Variants in KIF13A observed in about 807,000 individuals in gnomAD.
KIF13A encodes kinesin family member 13A, also known as kinesin-like protein KIF13A.
In KIF13A, 79 loss-of-function variants were observed where a neutral mutation model predicts 212.2. The observed-to-expected ratio is 0.37, with a 90% CI of 0.31 to 0.45. KIF13A has a LOEUF of 0.45. Among genes scored for constraint, KIF13A ranks in the 20% least tolerant of loss-of-function variants. The pLI is 1.00. For synonymous variants in KIF13A, 789 were observed against 808.6 expected (o/e 0.98, Z 0.41); for missense variants, 1,901 against 2,209.0 (o/e 0.86, Z 2.79).
rs77448977 is a variant in KIF13A at position 17,897,710 on chromosome 6, T to C, written c.159+458A>G. Among the ~76,000 whole-genome samples, 521 of 152,310 alleles carry C rather than the reference T, an allele frequency of 3.4e-3. 22 individuals are homozygous for C. The East Asian group carries it at 0.084, about 24-fold the overall frequency. On this transcript the variant is annotated intron_variant, in intron 3 of 38. Coordinates refer to ENST00000259711, the MANE Select transcript of KIF13A (RefSeq NM_022113.6). The surrounding 1 kb of genome is among the most constrained non-coding windows in gnomAD (Gnocchi z 4.8). ...TTTCCAATGATAACAACTAATCTTA[T>C]TGGGGCACAGGAAAAGATCGTTTGT...
At chr6:17,847,175 C>T (rs1207182183) in intron 9 of KIF13A, among the ~76,000 whole-genome samples, 1 of 152,158 alleles carries the variant, frequency 6.6e-6, no homozygotes, top group East Asian at 1.9e-4. Flanking sequence ...AGTGTGATCC[C>T]ACAAGCCCCA....
chr6:17,782,441 G>A lies in KIF13A; in HGVS notation c.3545-1140C>T, dbSNP rs1055882404. 3.1e-4 allele frequency among the ~76,000 whole-genome samples: 47 copies of A among 151,944 alleles called. 1 individual carries two copies. The highest frequency in any genetic ancestry group is 1.3e-4 in the Non-Finnish European group (9 of 67,938). On this transcript the variant is annotated intron_variant, in intron 29 of 38. Transcript: ENST00000259711. ...TCACGAGGTCAGGAGTGCAAGACAA[G>A]CCTGGCCAAGATGGTGAAACCCCGT...
rs750983159 is a variant in KIF13A at position 17,780,746 on chromosome 6, T to C, written c.3830A>G (p.Asn1277Ser). The change falls in exon 31 of 39, where the codon AAT (asparagine) becomes AGT (serine). Residue 1277 changes from asparagine (N) to serine (S), a missense_variant. Transcript: ENST00000259711. ...ELVLRKRIAA[N>S]IYNKQSFTQS... Reference sequence around the variant, plus strand: ...CGTTATTACCTGTTTGTTGTAAATATTGGCTGCAATTCGTTTTCGTAATAC... The same window carrying C: ...CGTTATTACCTGTTTGTTGTAAATACTGGCTGCAATTCGTTTTCGTAATAC... 6.2e-6 allele frequency: 10 copies of C among 1,613,818 alleles called. No homozygotes were observed. Among genetic ancestry groups the C allele is most frequent in the African/African-American group, 1.3e-5 (1 of 74,942 alleles).
Position 17,984,633 on chromosome 6 carries a change from C to G in KIF13A, c.146+2421G>C, listed in dbSNP as rs1581957512. ...GTCAATGCATTCTCACTTGTTTTTA[C>G]TGGTAAGACTGAAAACTTTCACCCA... On this transcript the variant is annotated intron_variant, in intron 2 of 38. Coordinates refer to ENST00000259711, the MANE Select transcript of KIF13A (RefSeq NM_022113.6). The surrounding 1 kb of genome is among the most constrained non-coding windows in gnomAD (Gnocchi z 5.0). 1 of 733,306 alleles carries G rather than the reference C, an allele frequency of 1.4e-6. No individual in the cohort carries two copies. The highest frequency in any genetic ancestry group is 1.7e-6 in the Non-Finnish European group (1 of 601,690). The allele number at this position is 733,306 out of a possible 1,614,324, so 45.4% of individuals were successfully genotyped here. A position where few individuals can be genotyped will look rare whatever the true frequency, so the allele number is the denominator to read the frequency against.
chr6:17,915,449 C>T lies in KIF13A; in HGVS notation c.147-17269G>A, dbSNP rs911024012. 6.6e-6 allele frequency among the ~76,000 whole-genome samples: 1 copy of T among 152,174 alleles called. No individual in the cohort carries two copies. The highest frequency in any genetic ancestry group is 2.4e-5 in the African/African-American group (1 of 41,442). ...CGATGCAAGGCCCCTCATTTTCAGC[C>T]ATTTATTTTACCTACAAACTTCTTT... On this transcript the variant is annotated intron_variant, in intron 2 of 38. Coordinates refer to ENST00000259711, the MANE Select transcript of KIF13A (RefSeq NM_022113.6). This position sits in a 1 kb window ranked among gnomAD's most constrained non-coding sequence, Gnocchi z 4.4.
At chr6:17,798,519 T>TATATTCAC (rs1448680884) in intron 22 of KIF13A, among the ~76,000 whole-genome samples, 3 of 152,242 alleles carry the variant, frequency 2.0e-5, no homozygotes, top group African/African-American at 7.2e-5. Flanking sequence ...TGTGAAATTT[T>TATATTCAC]ATAGGTGGTG....
Position 17,987,311 on chromosome 6 carries a change from G to A in KIF13A, c.55+98C>T. 2 of 971,576 alleles carry A rather than the reference G, an allele frequency of 2.1e-6. No individual in the cohort carries two copies. The highest frequency in any genetic ancestry group is 3.5e-5 in the African/African-American group (2 of 56,550). 60.2% of individuals were successfully genotyped at this position (971,576 alleles called of 1,614,324 possible). Reference sequence around the variant, plus strand: ...GACGCCGCCTCCGCCCCGGCCCCCCGGCCCCGGCCGCGCTCTCGCCGTCCC... The same window carrying A: ...GACGCCGCCTCCGCCCCGGCCCCCCAGCCCCGGCCGCGCTCTCGCCGTCCC... On this transcript the variant is annotated intron_variant, in intron 1 of 38. Coordinates refer to ENST00000259711, the MANE Select transcript of KIF13A (RefSeq NM_022113.6). The surrounding 1 kb of genome is among the most constrained non-coding windows in gnomAD (Gnocchi z 7.7).
intron 2 of KIF13A, among the ~76,000 whole-genome samples, chr6:17,921,792 T>C (rs1775098047): frequency 6.6e-6 from 1 of 152,202 alleles, no homozygotes; most frequent in South Asian, 2.1e-4. Context: ...CCACTTGGGC[T>C]CTTGGCTGGC....
intron 2 of KIF13A, among the ~76,000 whole-genome samples, chr6:17,907,012 G>A (rs1773566635): frequency 6.6e-6 from 1 of 152,182 alleles, no homozygotes; most frequent in African/African-American, 2.4e-5. Flanking sequence ...TTTCAGGGTT[G>A]TAAATTCTAA....
At position 17,829,182 on chromosome 6, in the gene KIF13A, A is replaced by G. The variant is rs1765221182; in HGVS notation, c.1402-812T>C. Reference sequence around the variant, plus strand: ...GCCTGGTCTTGAACTCCTGGCCTCAAGTGATCCGCCCGCCTTGGTCTCCCA... The same window carrying G: ...GCCTGGTCTTGAACTCCTGGCCTCAGGTGATCCGCCCGCCTTGGTCTCCCA... On this transcript the variant is annotated intron_variant, in intron 13 of 38. Coordinates refer to ENST00000259711, the MANE Select transcript of KIF13A (RefSeq NM_022113.6). The surrounding 1 kb of genome is among the most constrained non-coding windows in gnomAD (Gnocchi z 5.4). Among the ~76,000 whole-genome samples the G allele has an allele frequency of 6.6e-6, 1 of 152,270 alleles. No individual in the cohort carries two copies. Among genetic ancestry groups the G allele is most frequent in the Non-Finnish European group, 1.5e-5 (1 of 68,028 alleles).
intron 16 of KIF13A, among the ~76,000 whole-genome samples, chr6:17,822,427 T>G (rs1259068099): frequency 6.6e-6 from 1 of 152,200 alleles, no homozygotes; most frequent in African/African-American, 2.4e-5. Context: ...ATGTTAACAC[T>G]GTGCACCAGG....
rs1772675898 is a variant in KIF13A at position 17,897,522 on chromosome 6, A to G, written c.159+646T>C. On this transcript the variant is annotated intron_variant, in intron 3 of 38. Coordinates refer to ENST00000259711, the MANE Select transcript of KIF13A (RefSeq NM_022113.6). The surrounding 1 kb of genome is among the most constrained non-coding windows in gnomAD (Gnocchi z 4.8). The stretch of plus-strand genomic sequence containing the variant: ...ATTCCCCCACTTCCCTCCTCTAACT[A>G]TTCTCTAACTTCTGGCCTTCTCACT... Among the ~76,000 whole-genome samples, 1 of 152,178 alleles carries G rather than the reference A, an allele frequency of 6.6e-6. No individual in the cohort carries two copies.
At position 17,873,258 on chromosome 6, in the gene KIF13A, G is replaced by A; in HGVS notation, c.220+119C>T. On this transcript the variant is annotated intron_variant, in intron 4 of 38. Transcript: ENST00000259711. ...ACTTCAAAACTCATGTGGTATAATT[G>A]GAAAGAACAGGTGTGAATTACACAG... 8 of 645,500 alleles carry A rather than the reference G, an allele frequency of 1.2e-5. No homozygotes were observed. In the Middle Eastern group the frequency reaches 1.0e-3, roughly 82 times the overall value. The allele number at this position is 645,500 out of a possible 1,614,324, so 40.0% of individuals were successfully genotyped here.
chr6:17,833,902 C>CAGAAAAGA (rs2150376114), intron 12 of KIF13A, 59 bp downstream of exon 12: 2 of 761,456 alleles, frequency 2.6e-6, no homozygotes, highest in East Asian at 6.2e-5. Context: ...GCAAACTACA[C>CAGAAAAGA]AGAAAAGACA....
chr6:17,944,536 CCAAAGA>C (rs1777220148), intron 2 of KIF13A, among the ~76,000 whole-genome samples: 1 of 152,104 alleles, frequency 6.6e-6, no homozygotes, highest in Non-Finnish European at 1.5e-5. Context: ...GAACAGGAGG[CCAAAGA>C]CAAAGTAGCT....
Position 17,777,156 on chromosome 6 carries a change from C to T in KIF13A, c.4170+121G>A. 1 of 746,822 alleles carries T rather than the reference C, an allele frequency of 1.3e-6. No homozygotes were observed. The highest frequency in any genetic ancestry group is 1.5e-5 in the South Asian group (1 of 65,202). 46.3% of individuals were successfully genotyped at this position (746,822 alleles called of 1,614,324 possible). On this transcript the variant is annotated intron_variant, in intron 34 of 38. Coordinates refer to ENST00000259711, the MANE Select transcript of KIF13A (RefSeq NM_022113.6). This position sits in a 1 kb window ranked among gnomAD's most constrained non-coding sequence, Gnocchi z 4.4. Reference sequence around the variant, plus strand: ...GTCCCTGGTACAGAGAAGCAGGCTACACTTTGGGATGCCCACACCAGTTCC... The same window carrying T: ...GTCCCTGGTACAGAGAAGCAGGCTATACTTTGGGATGCCCACACCAGTTCC...
Position 17,892,381 on chromosome 6 carries a change from A to G in KIF13A, c.159+5787T>C, listed in dbSNP as rs1772145500. On this transcript the variant is annotated intron_variant, in intron 3 of 38. Transcript: ENST00000259711. The surrounding 1 kb of genome is among the most constrained non-coding windows in gnomAD (Gnocchi z 4.7). Reference sequence around the variant, plus strand: ...TTTCTGATGTATTTTACTGAATACTACCACTAGCCTCCCTACTGATCAAGC... The same window carrying G: ...TTTCTGATGTATTTTACTGAATACTGCCACTAGCCTCCCTACTGATCAAGC... Among the ~76,000 whole-genome samples, 1 of 152,166 alleles carries G rather than the reference A, an allele frequency of 6.6e-6. No individual in the cohort carries two copies. Among genetic ancestry groups the G allele is most frequent in the South Asian group, 2.1e-4 (1 of 4,832 alleles).
chr6:17,956,934 T>G (rs1778399438), intron 2 of KIF13A, among the ~76,000 whole-genome samples: 1 of 151,974 alleles, frequency 6.6e-6, no homozygotes, highest in African/African-American at 2.4e-5. Flanking sequence ...TAGGCTGGAG[T>G]GCAGTGGTAC....
rs1774162612 is a variant in KIF13A at position 17,912,476 on chromosome 6, T to C, written c.147-14296A>G. ...CACCTATACTTCAAGCTCCCTGCACTTGGAGCCTGGACTTCCCTGGCTTCC... is the reference window on the plus strand; with the variant it reads ...CACCTATACTTCAAGCTCCCTGCACCTGGAGCCTGGACTTCCCTGGCTTCC... On this transcript the variant is annotated intron_variant, in intron 2 of 38. Transcript: ENST00000259711. This position sits in a 1 kb window ranked among gnomAD's most constrained non-coding sequence, Gnocchi z 4.2. Among the ~76,000 whole-genome samples the C allele has an allele frequency of 6.6e-6, 1 of 152,214 alleles. No individual in the cohort carries two copies. Among genetic ancestry groups the C allele is most frequent in the East Asian group, 1.9e-4 (1 of 5,196 alleles).
Sources: gnomAD v4.1 joint callset for allele counts (sites outside exome capture counted in the v4.1 genomes callset) on GRCh38, gnomAD v4.1.1 for gene constraint, Gnocchi (gnomAD v3.1) non-coding constraint, MANE v1.5 for transcripts, NCBI Gene and HGNC (gene_info 2026-07-23, HGNC 2026-07-21) for gene names.